PREP: variants seen among roughly 807,000 people sequenced by gnomAD.
PREP encodes dJ355L5.1 (prolyl endopeptidase).
PREP carries 29 observed loss-of-function variants against 87.6 expected under a neutral mutation model. The observed-to-expected ratio is 0.33, with a 90% CI of 0.25 to 0.45. The LOEUF (loss-of-function observed/expected upper bound fraction) is 0.45, where lower values mean the gene tolerates loss of function less well. Among genes scored for constraint, PREP ranks in the 20% least tolerant of loss-of-function variants. The pLI is 1.00. For missense variants in PREP, 695 were observed against 886.5 expected, an observed-to-expected ratio of 0.78 and a Z score of 2.74; for synonymous variants, 337 against 328.6, an observed-to-expected ratio of 1.03 and a Z score of -0.28.
At chr6:105,336,114 G>C (rs1234544994) in intron 7 of PREP, among the ~76,000 whole-genome samples, 1 of 152,050 alleles carries the variant, frequency 6.6e-6, no homozygotes, top group African/African-American at 2.4e-5. Flanking sequence ...AAAAAAATTA[G>C]CTAGGCATGG....
chr6:105,302,567 T>C, intron 10 of PREP: 1 of 395,732 alleles, frequency 2.5e-6, no homozygotes, highest in Non-Finnish European at 4.9e-6. Flanking sequence ...GCATGTTTTC[T>C]CAGGCCGCAG....
chr6:105,392,188 G>A (rs150337522), intron 2 of PREP, among the ~76,000 whole-genome samples: 57 of 151,822 alleles, frequency 3.8e-4, no homozygotes, highest in Non-Finnish European at 7.1e-4. Context: ...ACAGGTGCCC[G>A]CCACCATGCT....
chr6:105,323,899 C>T (rs1015622113), intron 9 of PREP, 131 bp from the exon 10 acceptor site: 1 of 768,114 alleles, frequency 1.3e-6, no homozygotes, highest in Middle Eastern at 2.4e-4. Flanking sequence ...GGTTAATCCC[C>T]ACCACAGTCG....
At chr6:105,292,094 C>A (rs551214289) in intron 10 of PREP, among the ~76,000 whole-genome samples, 1 of 152,164 alleles carries the variant, frequency 6.6e-6, no homozygotes, top group African/African-American at 2.4e-5. Context: ...CAGAATCATC[C>A]ATGAGCGTTA....
intron 6 of PREP, among the ~76,000 whole-genome samples, chr6:105,359,254 G>A (rs1354776034): frequency 2.6e-5 from 4 of 152,132 alleles, no homozygotes; most frequent in Non-Finnish European, 5.9e-5. Context: ...ATACACTAAA[G>A]GATACAGACA....
intron 6 of PREP, among the ~76,000 whole-genome samples, chr6:105,368,140 G>A (rs1319292584): frequency 6.6e-6 from 1 of 152,156 alleles, no homozygotes; most frequent in African/African-American, 2.4e-5. Context: ...CAACTGAAGA[G>A]GTGTCTCAAT....
intron 1 of PREP, 151 bp downstream of exon 1, chr6:105,402,696 C>A: frequency 1.5e-6 from 1 of 674,072 alleles, no homozygotes; most frequent in Non-Finnish European, 2.2e-6. Flanking sequence ...AGCCCCGCGC[C>A]CCCGGCCCAA....
intron 6 of PREP, among the ~76,000 whole-genome samples, chr6:105,364,340 T>A (rs149586681): frequency 2.6e-5 from 4 of 152,308 alleles, no homozygotes; most frequent in Admixed American, 6.5e-5. Flanking sequence ...TGCTTCCTGA[T>A]TGGAACTTCC....
chr6:105,394,902 C>G (rs573651139), intron 2 of PREP, among the ~76,000 whole-genome samples: 1 of 152,274 alleles, frequency 6.6e-6, no homozygotes, highest in South Asian at 2.1e-4. Context: ...AACAAGTAAT[C>G]ATGTCATTGT....
intron 7 of PREP, among the ~76,000 whole-genome samples, chr6:105,350,751 T>G (rs2114681010): frequency 6.6e-6 from 1 of 152,282 alleles, no homozygotes; most frequent in South Asian, 2.1e-4. Flanking sequence ...GTTGAGAACT[T>G]TCAGAATCCC....
chr6:105,399,296 T>C (rs1448303586), intron 1 of PREP, among the ~76,000 whole-genome samples: 1 of 152,200 alleles, frequency 6.6e-6, no homozygotes, highest in African/African-American at 2.4e-5. Flanking sequence ...AGGTAAGGGC[T>C]ATTTCCTAAA....
At chr6:105,337,274 C>G (rs566644633) in intron 7 of PREP, among the ~76,000 whole-genome samples, 47 of 152,272 alleles carry the variant, frequency 3.1e-4, no homozygotes, top group African/African-American at 1.1e-3. Context: ...TCTTGGAGGC[C>G]TGGGTTGAAG....
At chr6:105,308,028 T>G (rs935889085) in intron 10 of PREP, among the ~76,000 whole-genome samples, 11 of 152,168 alleles carry the variant, frequency 7.2e-5, no homozygotes, top group African/African-American at 2.7e-4. Flanking sequence ...GGTCTCTTTA[T>G]GGGGCACGGT....
intron 10 of PREP, among the ~76,000 whole-genome samples, chr6:105,297,358 A>T (rs1214910633): frequency 6.6e-6 from 1 of 152,210 alleles, no homozygotes; most frequent in African/African-American, 2.4e-5. Context: ...TTAAACTATT[A>T]TTAGTAACAT....
chr6:105,349,043 AATT>A (rs58828397), intron 7 of PREP, among the ~76,000 whole-genome samples: 1 of 151,918 alleles, frequency 6.6e-6, no homozygotes, highest in African/African-American at 2.4e-5. Flanking sequence ...ACAGCTGAAA[AATT>A]ATTATATATA....
chr6:105,339,605 A>G (rs998532137), intron 7 of PREP, among the ~76,000 whole-genome samples: 2 of 152,210 alleles, frequency 1.3e-5, no homozygotes, highest in African/African-American at 4.8e-5. Context: ...AAAGGAGGAT[A>G]TTCGAACCCA....
intron 6 of PREP, among the ~76,000 whole-genome samples, chr6:105,357,841 A>T (rs1772140212): frequency 6.6e-6 from 1 of 152,114 alleles, no homozygotes; most frequent in Non-Finnish European, 1.5e-5. Context: ...AAAAAAGAAA[A>T]GTAGAAAAGC....
Position 105,368,911 on chromosome 6 carries a change from C to T in PREP, c.709G>A (p.Gly237Arg). 1.2e-6 allele frequency: 2 copies of T among 1,613,980 alleles called. No homozygotes were observed. Among genetic ancestry groups the T allele is most frequent in the African/African-American group, 1.3e-5 (1 of 75,040 alleles). Residue 237 changes from glycine (G) to arginine (R), a missense_variant, in exon 6 of 15, where the codon GGA becomes AGA. This residue lies in a region of PREP where 517 missense variants were observed against 620.3 expected (regional missense o/e 0.83). Transcript: ENST00000652536. ...EFPDEPKWMG[G>R]AELSDDGRYV... The stretch of plus-strand genomic sequence containing the variant: ...TCACAGCTGTACAATACCTCAGCTC[C>T]ACCCATCCATTTAGGTTCATCAGGA...
chr6:105,367,955 A>T (rs1487622211), intron 6 of PREP, among the ~76,000 whole-genome samples: 2 of 151,998 alleles, frequency 1.3e-5, no homozygotes, highest in Non-Finnish European at 2.9e-5. Context: ...AGTTTTTTTT[A>T]CTAACCCCTG....
Sources: gnomAD v4.1 joint callset for allele counts (sites outside exome capture counted in the v4.1 genomes callset) on GRCh38, gnomAD v4.1.1 for gene constraint, gnomAD v4.1.1 regional missense constraint, MANE v1.5 for transcripts, NCBI Gene and HGNC (gene_info 2026-07-23, HGNC 2026-07-21) for gene names.